ECT2: variants seen among roughly 807,000 people sequenced by gnomAD.
ECT2 encodes epithelial cell transforming 2, also known as protein ECT2.
ECT2 carries 61 observed loss-of-function variants against 116.9 expected under a neutral mutation model. The ratio of observed to expected loss-of-function variants is 0.52; its 90% CI spans 0.42 to 0.65. ECT2 has a LOEUF of 0.65. Among genes scored for constraint, ECT2 ranks in the 30% least tolerant of loss-of-function variants. ECT2 has a pLI of 0.00. For synonymous variants in ECT2, 358 were observed against 346.4 expected, an observed-to-expected ratio of 1.03 and a Z score of -0.37; for missense variants, 937 against 1,078.7, an observed-to-expected ratio of 0.87 and a Z score of 1.84.
chr3:172,797,633 G>T (rs915521370), intron 18 of ECT2, among the ~76,000 whole-genome samples: 7 of 152,022 alleles, frequency 4.6e-5, no homozygotes, highest in Non-Finnish European at 1.0e-4. Flanking sequence ...CTTTTCATCT[G>T]GCTCAACTTC....
chr3:172,792,440 C>G (rs1724848622), intron 18 of ECT2, among the ~76,000 whole-genome samples: 1 of 123,946 alleles, frequency 8.1e-6, no homozygotes. Flanking sequence ...TACGTGGAGT[C>G]TTTTATCTGG....
At chr3:172,805,974 A>G (rs986728269) in intron 21 of ECT2, 105 bp downstream of exon 21, 2 of 1,216,446 alleles carry the variant, frequency 1.6e-6, no homozygotes, top group South Asian at 3.1e-5. Flanking sequence ...TTATCTTTAA[A>G]TATAGTTGGT....
intron 1 of ECT2, 178 bp from the exon 2 acceptor site, chr3:172,754,331 G>C: frequency 2.1e-6 from 1 of 476,490 alleles, no homozygotes; most frequent in East Asian, 3.7e-5. Flanking sequence ...TCAGGTATTA[G>C]TATGTTTATT....
the ECT2 span, among the ~76,000 whole-genome samples, chr3:172,828,362 G>A: frequency 6.6e-6 from 1 of 152,092 alleles, no homozygotes; most frequent in African/African-American, 2.4e-5. Flanking sequence ...GGCTGTGTCT[G>A]TGTGTGTGCA....
In ECT2 at chr3:172,791,062, G is replaced by A. The variant is rs1724567253; in HGVS notation, c.1907+4488G>A. Among the ~76,000 whole-genome samples, 5 of 152,288 alleles carry A rather than the reference G, an allele frequency of 3.3e-5. 1 individual carries two copies. In the South Asian group the frequency reaches 1.0e-3, roughly 32 times the overall value. ...CCCAGCTACTTAGTGGGATTTCAAC[G>A]AGAGTTGCTTGAATCCAGTAGCTGG... On this transcript the variant is annotated intron_variant, in intron 18 of 24. Coordinates refer to ENST00000392692, the MANE Select transcript of ECT2 (RefSeq NM_001258315.2).
intron 18 of ECT2, among the ~76,000 whole-genome samples, chr3:172,798,930 A>T (rs1726224208): frequency 6.6e-6 from 1 of 152,186 alleles, no homozygotes; most frequent in South Asian, 2.1e-4. Flanking sequence ...ACAGTGAGTA[A>T]ATTAAAAACT....
At chr3:172,790,627 G>A (rs1463523926) in intron 18 of ECT2, among the ~76,000 whole-genome samples, 1 of 152,182 alleles carries the variant, frequency 6.6e-6, no homozygotes, top group East Asian at 1.9e-4. Context: ...TGTTCTATCT[G>A]TGGCAGCTAT....
chr3:172,819,791 AC>A (rs1365737271), intron 24 of ECT2, among the ~76,000 whole-genome samples: 2 of 152,128 alleles, frequency 1.3e-5, no homozygotes, highest in Admixed American at 6.6e-5. Context: ...CTAAGAAGAA[AC>A]CTTGTTTGCC....
At chr3:172,778,724 T>C (rs1479884483) in intron 14 of ECT2, among the ~76,000 whole-genome samples, 1 of 150,630 alleles carries the variant, frequency 6.6e-6, no homozygotes, top group East Asian at 2.0e-4. Flanking sequence ...GCCTCCTGAG[T>C]AGCTGGGACT....
At chr3:172,823,335 G>A (rs1227263379), downstream of ECT2, among the ~76,000 whole-genome samples, 1 of 142,890 alleles carries the variant, frequency 7.0e-6, no homozygotes, top group Non-Finnish European at 1.5e-5. Flanking sequence ...ATTCCCAGAT[G>A]GTTCACAGAA....
intron 7 of ECT2, among the ~76,000 whole-genome samples, chr3:172,760,574 G>A (rs534471001): frequency 6.6e-6 from 1 of 151,918 alleles, no homozygotes; most frequent in Non-Finnish European, 1.5e-5. Context: ...GAGCCACCAG[G>A]CCTGGCCGAG....
At position 172,761,682 on chromosome 3, in the gene ECT2, C is replaced by G. The variant is rs752638646; in HGVS notation, c.757C>G (p.Gln253Glu). 3 of 1,601,818 alleles carry G rather than the reference C, an allele frequency of 1.9e-6. No individual in the cohort carries two copies. The highest frequency in any genetic ancestry group is 4.5e-5 in the East Asian group (2 of 44,596). The change falls in exon 8 of 25, where the codon CAG becomes GAG. Residue 253 changes from glutamine (Q) to glutamate (E), a missense_variant and splice_region_variant. Transcript: ENST00000392692. Reference sequence around the variant, plus strand: ...TAAAGCTTGGGAAAGGCGGAATGAACAGTAAGTGTTTAGAAACTCAGTAGT... The same window carrying G: ...TAAAGCTTGGGAAAGGCGGAATGAAGAGTAAGTGTTTAGAAACTCAGTAGT... ...IYKAWERRNE[Q>E]DFYAAVDDFR...
At chr3:172,776,112 A>G (rs1721617367) in intron 14 of ECT2, among the ~76,000 whole-genome samples, 1 of 150,778 alleles carries the variant, frequency 6.6e-6, no homozygotes, top group African/African-American at 2.4e-5. Flanking sequence ...AAAATTTGTC[A>G]CCCTTTAGTT....
rs60558773 is a variant in ECT2, at chr3:172,776,198, C to CTTTTTTTTTTT, written c.1548+2189_1548+2199dup. Among the ~76,000 whole-genome samples, 139 of 111,582 alleles carry CTTTTTTTTTTT rather than the reference C, an allele frequency of 1.2e-3. 1 individual carries two copies. The highest frequency in any genetic ancestry group is 4.4e-3 in the African/African-American group (127 of 28,806). 73.2% of individuals were successfully genotyped at this position (111,582 alleles called of 152,430 possible). ...TCAACTATTAGTTTTTCAGTTTTTT[C>CTTTTTTTTTTT]TTTTTTTTTTTTTTTTTTTTTTTGT... is the stretch of plus-strand genomic sequence containing the variant. On this transcript the variant is annotated intron_variant, in intron 14 of 24. Transcript: ENST00000392692.
intron 18 of ECT2, among the ~76,000 whole-genome samples, chr3:172,789,055 C>CT: frequency 1.3e-5 from 1 of 75,750 alleles, no homozygotes; most frequent in East Asian, 4.3e-4. Context: ...AAGACTCTGT[C>CT]TCAAAAAAAA....
intron 21 of ECT2, 77 bp from the exon 22 acceptor site, chr3:172,807,693 G>A (rs1223181049): frequency 8.1e-6 from 12 of 1,478,604 alleles, no homozygotes; most frequent in East Asian, 2.3e-5. Flanking sequence ...TCATTGCTCT[G>A]AGGGAACTAA....
downstream of ECT2, among the ~76,000 whole-genome samples, chr3:172,821,983 G>A (rs1473803405): frequency 6.6e-6 from 1 of 151,826 alleles, no homozygotes; most frequent in Non-Finnish European, 1.5e-5. Flanking sequence ...CAGTTTGCAT[G>A]TATCATGTGT....
At chr3:172,798,840 G>A (rs887127893) in intron 18 of ECT2, among the ~76,000 whole-genome samples, 3 of 152,068 alleles carry the variant, frequency 2.0e-5, no homozygotes, top group Admixed American at 2.0e-4. Context: ...GAAAACATTG[G>A]TTATATTACC....
rs1170425992 is a variant in ECT2 at position 172,750,783 on chromosome 3, CG to C, written c.-95del. 1 of 152,844 alleles carries C rather than the reference CG, an allele frequency of 6.5e-6. No homozygotes were observed. Among genetic ancestry groups the C allele is most frequent in the Non-Finnish European group, 1.5e-5 (1 of 68,418 alleles). The allele number at this position is 152,844 out of a possible 1,614,324, so 9.5% of individuals were successfully genotyped here. On this transcript the variant is annotated 5_prime_UTR_variant, in exon 1 of 25. It removes the in-frame stop codon of an upstream open reading frame in the 5' UTR. Coordinates refer to ENST00000392692, the MANE Select transcript of ECT2 (RefSeq NM_001258315.2). The stretch of plus-strand genomic sequence containing the variant: ...TTTTTGAATCGGTTGTGGCGGCCGC[CG>C]GCGAGGAATGGCGGTATTTGTGAGA...
Sources: allele counts gnomAD v4.1 joint callset (sites outside exome capture counted in the v4.1 genomes callset), GRCh38; gene constraint gnomAD v4.1.1; transcripts MANE v1.5; gene names NCBI Gene and HGNC (gene_info 2026-07-23, HGNC 2026-07-21).